NPFFR2: variants seen among roughly 807,000 people sequenced by gnomAD.
NPFFR2 encodes the protein G-protein coupled receptor 74.
A neutral mutation model predicts 13.1 loss-of-function variants in NPFFR2; 15 were observed. The ratio of observed to expected loss-of-function variants is 1.15; its 90% confidence interval spans 0.77 to 1.76. NPFFR2 has a LOEUF of 1.76. NPFFR2 is among the 40% of genes most tolerant of loss of function. The pLI, the probability that NPFFR2 is intolerant of heterozygous loss-of-function variation, is 0.00. For synonymous variants in NPFFR2, 190 were observed against 175.7 expected (o/e 1.08, Z -0.65); for missense variants, 572 against 503.5 (o/e 1.14, Z -1.30).
At position 72,120,314 on chromosome 4, in the gene NPFFR2, G is replaced by A. The variant is rs574357658; in HGVS notation, c.-7-8271G>A. The stretch of plus-strand genomic sequence containing the variant: ...GGGACAGAGCACCTGGGGGAAGAGC[G>A]GCTGTGGGTGCAACTTCAACAAACT... On this transcript the variant is annotated intron_variant, in intron 1 of 3. Transcript: ENST00000308744. Among the ~76,000 whole-genome samples the A allele has an allele frequency of 6.0e-5, 9 of 150,388 alleles. No individual in the cohort carries two copies. In the South Asian group the frequency reaches 6.4e-4, roughly 11 times the overall value.
chr4:72,038,439 T>A (rs1719099938), intron 1 of NPFFR2, among the ~76,000 whole-genome samples: 1 of 152,134 alleles, frequency 6.6e-6, no homozygotes, highest in Non-Finnish European at 1.5e-5. Flanking sequence ...TCTGTGAAAA[T>A]TTTACTTCCA....
intron 2 of NPFFR2, among the ~76,000 whole-genome samples, chr4:72,134,988 TG>T (rs1293485794): frequency 2.0e-4 from 30 of 152,294 alleles, no homozygotes; most frequent in Admixed American, 3.9e-4. Flanking sequence ...CTTATTTGTC[TG>T]CAAGTATCTT....
At position 72,147,567 on chromosome 4, in the gene NPFFR2, T is replaced by G. The variant is rs756098426; in HGVS notation, c.1018T>G (p.Phe340Val). The G allele has an allele frequency of 3.7e-6, 6 of 1,614,182 alleles. No individual in the cohort carries two copies. Among genetic ancestry groups the G allele is most frequent in the Non-Finnish European group, 5.1e-6 (6 of 1,180,042 alleles). Residue 340 changes from phenylalanine (F) to valine (V), a missense_variant, in exon 4 of 4, where the codon TTC becomes GTC. Phe to Val is a conservative substitution (Grantham distance 50). Coordinates refer to ENST00000308744, the MANE Select transcript of NPFFR2 (RefSeq NM_004885.3). ...CATTTATGGTTTCTTCAACGAGAAT[T>G]TCCGCCGTGGTTTCCAAGAAGCTTT... ...PIIYGFFNEN[F>V]RRGFQEAFQL...
intron 1 of NPFFR2, among the ~76,000 whole-genome samples, chr4:72,122,877 G>A (rs1721928722): frequency 6.6e-6 from 1 of 152,128 alleles, no homozygotes; most frequent in South Asian, 2.1e-4. Flanking sequence ...TCAAAAGCTA[G>A]CAGAAGACAA....
rs184477815 is a variant in NPFFR2 at position 72,095,211 on chromosome 4, C to T, written c.-7-33374C>T. ...TCCTCAGAAATAAACACTGTTAACA[C>T]TTGATGGACATAATTACAGATATGT... On this transcript the variant is annotated intron_variant, in intron 1 of 3. Transcript: ENST00000308744. Among the ~76,000 whole-genome samples the T allele has an allele frequency of 2.1e-3, 327 of 152,232 alleles. 3 individuals carry two copies. The highest frequency in any genetic ancestry group is 2.4e-3 in the Admixed American group (36 of 15,272).
intron 1 of NPFFR2, among the ~76,000 whole-genome samples, chr4:72,104,664 C>CT (rs1295043369): frequency 6.6e-6 from 1 of 152,028 alleles, no homozygotes; most frequent in African/African-American, 2.4e-5. Flanking sequence ...ACCCCTGGTA[C>CT]TTTCCTTATG....
At chr4:72,093,006 A>AT (rs748680129) in intron 1 of NPFFR2, among the ~76,000 whole-genome samples, 50 of 152,080 alleles carry the variant, frequency 3.3e-4, no homozygotes, top group Admixed American at 6.6e-5. Flanking sequence ...TCCTTTTAAC[A>AT]TTTTTTATAG....
rs368084766 is a variant in NPFFR2 at position 72,032,155 on chromosome 4, C to T, written c.-53C>T. 148 of 1,613,572 alleles carry T rather than the reference C, an allele frequency of 9.2e-5. No homozygotes were observed. The highest frequency in any genetic ancestry group is 6.9e-4 in the East Asian group (31 of 44,852). ...GACAGAACCTGTTGCTGCAGACGGGCTTGGTGGATTCTGGTTCCTGCCGCC... is the reference window on the plus strand; with the variant it reads ...GACAGAACCTGTTGCTGCAGACGGGTTTGGTGGATTCTGGTTCCTGCCGCC... On this transcript the variant is annotated 5_prime_UTR_variant, in exon 1 of 4. Coordinates refer to ENST00000308744, the MANE Select transcript of NPFFR2 (RefSeq NM_004885.3).
intron 2 of NPFFR2, among the ~76,000 whole-genome samples, chr4:72,132,780 G>C (rs1722290605): frequency 6.6e-6 from 1 of 151,748 alleles, no homozygotes; most frequent in South Asian, 2.1e-4. Context: ...TATGTTTGTT[G>C]GCCACATGTA....
Position 72,074,845 on chromosome 4 carries a change from C to A in NPFFR2, c.-8+42645C>A, listed in dbSNP as rs551868233. On this transcript the variant is annotated intron_variant, in intron 1 of 3. Transcript: ENST00000308744. Reference sequence around the variant, plus strand: ...GTTGAAAATGGATATTCTATGCAAACGGTAATAAAAATTCAGAAGAATGGC... The same window carrying A: ...GTTGAAAATGGATATTCTATGCAAAAGGTAATAAAAATTCAGAAGAATGGC... 3.9e-5 allele frequency among the ~76,000 whole-genome samples: 6 copies of A among 152,082 alleles called. No individual in the cohort carries two copies. In the South Asian group the frequency reaches 6.2e-4, roughly 16 times the overall value.
At chr4:72,092,437 T>G (rs1171039123) in intron 1 of NPFFR2, among the ~76,000 whole-genome samples, 1 of 152,176 alleles carries the variant, frequency 6.6e-6, no homozygotes, top group Non-Finnish European at 1.5e-5. Flanking sequence ...CAGTGGCATA[T>G]TGAAGTCTCC....
chr4:72,102,421 C>T (rs927646163), intron 1 of NPFFR2, among the ~76,000 whole-genome samples: 1 of 151,982 alleles, frequency 6.6e-6, no homozygotes, highest in East Asian at 1.9e-4. Context: ...TACGTATGCA[C>T]AACATGCAGG....
intron 1 of NPFFR2, among the ~76,000 whole-genome samples, chr4:72,062,418 G>A (rs912262247): frequency 6.6e-6 from 1 of 151,646 alleles, no homozygotes; most frequent in African/African-American, 2.4e-5. Flanking sequence ...GAATTTCTCT[G>A]GAAGCATTGA....
intron 1 of NPFFR2, among the ~76,000 whole-genome samples, chr4:72,053,015 C>T (rs1211535784): frequency 1.3e-5 from 2 of 151,778 alleles, no homozygotes; most frequent in Non-Finnish European, 2.9e-5. Context: ...GTACATCTTA[C>T]ATGTATTGAT....
At chr4:72,058,716 C>A (rs530979185) in intron 1 of NPFFR2, among the ~76,000 whole-genome samples, 341 of 151,968 alleles carry the variant, frequency 2.2e-3, no homozygotes, top group African/African-American at 7.7e-3. Flanking sequence ...TTTGTAAAAC[C>A]CATGGGATTG....
rs186868169 is a variant in NPFFR2 at position 72,037,270 on chromosome 4, T to C, written c.-8+5070T>C. 2.2e-4 allele frequency among the ~76,000 whole-genome samples: 34 copies of C among 151,656 alleles called. 1 individual carries two copies. The East Asian group carries it at 5.9e-3, about 26-fold the overall frequency. ...AAAACTAGCTGGTCATAGTGGTACA[T>C]ACCTGTAGTTCTAGCAACTCGGGAA... On this transcript the variant is annotated intron_variant, in intron 1 of 3. Coordinates refer to ENST00000308744, the MANE Select transcript of NPFFR2 (RefSeq NM_004885.3).
chr4:72,096,870 T>TA (rs940103512), intron 1 of NPFFR2, among the ~76,000 whole-genome samples: 12 of 151,932 alleles, frequency 7.9e-5, no homozygotes, highest in Non-Finnish European at 1.0e-4. Flanking sequence ...CATTGTAAAA[T>TA]AAAAAAATTT....
chr4:72,109,520 T>C (rs1721505918), intron 1 of NPFFR2, among the ~76,000 whole-genome samples: 1 of 152,016 alleles, frequency 6.6e-6, no homozygotes, highest in South Asian at 2.1e-4. Context: ...CAGTTTCTTA[T>C]CTCATTAGCC....
intron 1 of NPFFR2, among the ~76,000 whole-genome samples, chr4:72,119,996 C>T (rs1471259309): frequency 1.3e-5 from 2 of 150,850 alleles, no homozygotes; most frequent in African/African-American, 2.5e-5. Context: ...AGTGGTCCCA[C>T]CCCCACGGAG....
Sources: gnomAD v4.1 joint callset for allele counts (sites outside exome capture counted in the v4.1 genomes callset) on GRCh38, gnomAD v4.1.1 for gene constraint, MANE v1.5 for transcripts, NCBI Gene and HGNC (gene_info 2026-07-23, HGNC 2026-07-21) for gene names.